UBE2F: variants seen among roughly 807,000 people sequenced by gnomAD.
UBE2F encodes ubiquitin conjugating enzyme E2 F (putative), also known as NEDD8-conjugating enzyme UBE2F.
Under a neutral mutation model 29.6 loss-of-function variants are expected in UBE2F, and 5 were observed. That is an observed-to-expected ratio of 0.17 (90% CI 0.09 to 0.36). The LOEUF (loss-of-function observed/expected upper bound fraction) is 0.36. UBE2F is among the 10% of genes least tolerant of loss of function. UBE2F has a pLI of 1.00. For missense variants in UBE2F, 141 were observed against 228.5 expected (o/e 0.62, Z 2.47); for synonymous variants, 66 against 81.8 (o/e 0.81, Z 1.04).
chr2:237,976,775 G>A (rs995163731), intron 2 of UBE2F, among the ~76,000 whole-genome samples: 20 of 152,132 alleles, frequency 1.3e-4, no homozygotes, highest in Admixed American at 5.9e-4. Flanking sequence ...GGCCCCATTC[G>A]AGCCATAGTA....
At chr2:238,023,448 GA>G (rs1401606809) in intron 5 of UBE2F, among the ~76,000 whole-genome samples, 1 of 152,176 alleles carries the variant, frequency 6.6e-6, no homozygotes, top group African/African-American at 2.4e-5. Context: ...AAATTAGGAA[GA>G]ATGCTCATTA....
At chr2:238,033,873 T>C (rs933339355) in intron 8 of UBE2F, among the ~76,000 whole-genome samples, 1 of 152,238 alleles carries the variant, frequency 6.6e-6, no homozygotes, top group Non-Finnish European at 1.5e-5. Context: ...TTCTGGAGCC[T>C]AATTTGAAAT....
At chr2:237,978,245 A>G (rs2063320697) in intron 2 of UBE2F, among the ~76,000 whole-genome samples, 1 of 152,208 alleles carries the variant, frequency 6.6e-6, no homozygotes, top group Non-Finnish European at 1.5e-5. Flanking sequence ...CTGCCTGCCC[A>G]CAGCCCTCAC....
chr2:237,988,447 C>A (rs76801446), intron 3 of UBE2F, among the ~76,000 whole-genome samples: 1 of 144,496 alleles, frequency 6.9e-6, no homozygotes, highest in Non-Finnish European at 1.5e-5. Context: ...GACTCCATCT[C>A]AAAAAAAAAA....
intron 6 of UBE2F, among the ~76,000 whole-genome samples, chr2:238,028,705 CAATT>C (rs2106402054): frequency 6.6e-6 from 1 of 152,260 alleles, no homozygotes; most frequent in East Asian, 1.9e-4. Flanking sequence ...TCTTCACAGA[CAATT>C]AAGATTATAG....
chr2:237,991,991 C>G (rs930033818), intron 3 of UBE2F, among the ~76,000 whole-genome samples: 5 of 151,968 alleles, frequency 3.3e-5, no homozygotes, highest in African/African-American at 1.2e-4. Context: ...CAGCCTCCCC[C>G]TCAGCTGGGA....
intron 5 of UBE2F, among the ~76,000 whole-genome samples, chr2:238,017,328 G>A (rs778575421): frequency 4.6e-5 from 7 of 152,186 alleles, no homozygotes; most frequent in South Asian, 2.1e-4. Flanking sequence ...GAGTCACCCC[G>A]ATGTGGCCCA....
At chr2:237,990,223 G>A (rs1423273004) in intron 3 of UBE2F, among the ~76,000 whole-genome samples, 4 of 151,472 alleles carry the variant, frequency 2.6e-5, no homozygotes, top group African/African-American at 4.9e-5. Context: ...ATAACTGTGG[G>A]GGGGCAGGAT....
chr2:237,992,064 C>T (rs1261039355), intron 3 of UBE2F, among the ~76,000 whole-genome samples: 1 of 151,966 alleles, frequency 6.6e-6, no homozygotes, highest in East Asian at 1.9e-4. Context: ...GGGGGTTTTA[C>T]CATGTTGGCC....
chr2:238,009,344 A>G (rs1371293092), intron 4 of UBE2F, among the ~76,000 whole-genome samples: 1 of 152,180 alleles, frequency 6.6e-6, no homozygotes, highest in African/African-American at 2.4e-5. Context: ...TCTAGTTTAT[A>G]TATCTATATC....
At chr2:238,002,530 C>T (rs545360859) in intron 4 of UBE2F, among the ~76,000 whole-genome samples, 2 of 152,060 alleles carry the variant, frequency 1.3e-5, no homozygotes, top group East Asian at 3.9e-4. Context: ...AGCCGCTGCA[C>T]CTGGCCGGAA....
intron 2 of UBE2F, chr2:237,973,817 C>A: frequency 1.8e-6 from 1 of 560,484 alleles, no homozygotes. Context: ...TGCAGATATG[C>A]ATTCATTTGT....
chr2:238,040,184 G>A lies in UBE2F; in HGVS notation c.508-1104G>A, dbSNP rs192612182. ...GAACTTGCCCGCCCTGGAAAGGGTC[G>A]CTGTGCTAACTAAAAGTGTGGCAGG... On this transcript the variant is annotated intron_variant, in intron 9 of 9. Coordinates refer to ENST00000272930, the MANE Select transcript of UBE2F (RefSeq NM_080678.3). The surrounding 1 kb of genome is among the most constrained non-coding windows in gnomAD (Gnocchi z 4.4). Among the ~76,000 whole-genome samples, 4 of 152,338 alleles carry A rather than the reference G, an allele frequency of 2.6e-5. No homozygotes were observed. The East Asian group carries it at 5.8e-4, about 22-fold the overall frequency.
At chr2:238,018,982 T>C (rs1034382084) in intron 5 of UBE2F, among the ~76,000 whole-genome samples, 2 of 152,116 alleles carry the variant, frequency 1.3e-5, no homozygotes, top group Admixed American at 6.5e-5. Flanking sequence ...CTTATTAGTT[T>C]CCCTTATTAG....
rs10695548 is a variant in UBE2F at position 238,002,063 on chromosome 2, A to ATTTTT, written c.214+7268_214+7272dup. Reference sequence around the variant, plus strand: ...GAATGTGTAATAAAGGAATATCCCAATTTTTTTTTTTTTTTTTTGAGACAG... The same window carrying ATTTTT: ...GAATGTGTAATAAAGGAATATCCCAATTTTTTTTTTTTTTTTTTTTTTTGAGACAG... On this transcript the variant is annotated intron_variant, in intron 4 of 9. Transcript: ENST00000272930. 3.6e-4 allele frequency among the ~76,000 whole-genome samples: 46 copies of ATTTTT among 126,180 alleles called. 6 individuals are homozygous for ATTTTT. The highest frequency in any genetic ancestry group is 5.1e-4 in the Non-Finnish European group (32 of 62,692). The allele number at this position is 126,180 out of a possible 152,430, so 82.8% of individuals were successfully genotyped here.
intron 7 of UBE2F, among the ~76,000 whole-genome samples, 194 bp from the exon 8 acceptor site, chr2:238,032,028 G>A (rs566975938): frequency 3.0e-4 from 46 of 152,352 alleles, no homozygotes; most frequent in African/African-American, 9.9e-4. Context: ...ACCTGAGACT[G>A]CTCATATCTT....
At chr2:238,009,888 C>T (rs1475070295) in intron 4 of UBE2F, among the ~76,000 whole-genome samples, 1 of 152,146 alleles carries the variant, frequency 6.6e-6, no homozygotes, top group African/African-American at 2.4e-5. Flanking sequence ...GAAATGTTTC[C>T]AGTGTAGAAT....
chr2:238,035,825 A>G, intron 8 of UBE2F, 53 bp from the exon 9 acceptor site: 1 of 1,465,954 alleles, frequency 6.8e-7, no homozygotes, highest in Non-Finnish European at 9.5e-7. Flanking sequence ...GAAGACTTTA[A>G]CAGCAGAAAA....
intron 4 of UBE2F, 56 bp downstream of exon 4, chr2:237,994,865 C>A: frequency 7.2e-7 from 1 of 1,397,738 alleles, no homozygotes; most frequent in Non-Finnish European, 1.0e-6. Context: ...ATAAAGGCTG[C>A]CCAAACCTGT....
Sources: allele counts gnomAD v4.1 joint callset (sites outside exome capture counted in the v4.1 genomes callset), GRCh38; gene constraint gnomAD v4.1.1; non-coding constraint Gnocchi (gnomAD v3.1); transcripts MANE v1.5; gene names NCBI Gene and HGNC (gene_info 2026-07-23, HGNC 2026-07-21).